The following ATM variants were observed in gnomAD, a reference collection of about 807,000 sequenced individuals.
ATM encodes ATM serine/threonine kinase, also known as serine-protein kinase ATM.
A neutral mutation model predicts 387.0 loss-of-function variants in ATM; 308 were observed. The observed-to-expected ratio is 0.80, with a 90% CI of 0.73 to 0.87. ATM has a LOEUF of 0.87. Among genes scored for constraint, ATM ranks in the 40% least tolerant of loss-of-function variants. ATM has a pLI of 0.00. For synonymous variants in ATM, 1,156 were observed against 1,187.3 expected, an observed-to-expected ratio of 0.97 and a Z score of 0.54; for missense variants, 3,312 against 3,560.9, an observed-to-expected ratio of 0.93 and a Z score of 1.78.
rs149726470 is a variant in ATM, at chr11:108,239,111, G to T, written c.496+3277G>T. Among the ~76,000 whole-genome samples the T allele has an allele frequency of 7.0e-3, 1,062 of 152,284 alleles. 17 individuals carry two copies. The highest frequency in any genetic ancestry group is 0.024 in the African/African-American group (984 of 41,558). On this transcript the variant is annotated intron_variant, in intron 5 of 62. Coordinates refer to ENST00000675843, the MANE Select transcript of ATM (RefSeq NM_000051.4). ...AAAGGGATGGTATTTGGAGGTGTGG[G>T]ATTTAGGAGGTAATTAGGTCCTGTG...
At chr11:108,258,584 C>A (rs2080653640) in intron 15 of ATM, among the ~76,000 whole-genome samples, 1 of 151,892 alleles carries the variant, frequency 6.6e-6, no homozygotes. Flanking sequence ...CAAGCCAGGC[C>A]CCAGAGTATT....
At chr11:108,308,701 G>A in intron 38 of ATM, 1 of 307,060 alleles carries the variant, frequency 3.3e-6, no homozygotes, top group Non-Finnish European at 6.2e-6. Context: ...AAGAATGAGA[G>A]GGAGAGGTGA....
chr11:108,288,107 T>TCC (rs2082593431), intron 27 of ATM, among the ~76,000 whole-genome samples: 2 of 152,056 alleles, frequency 1.3e-5, no homozygotes, highest in African/African-American at 4.8e-5. Flanking sequence ...TCTCACTCTG[T>TCC]TGCCCTGGCT....
intron 22 of ATM, among the ~76,000 whole-genome samples, chr11:108,274,294 C>G (rs373956233): frequency 6.6e-6 from 1 of 152,228 alleles, no homozygotes; most frequent in South Asian, 2.1e-4. Flanking sequence ...TTTTGTTAAT[C>G]TTTTCAAAAA....
In ATM at chr11:108,289,612, A is replaced by G. The variant is rs758180727; in HGVS notation, c.4247A>G (p.Gln1416Arg). Residue 1416 changes from glutamine to arginine, a missense_variant, in exon 29 of 63, where the codon CAG (glutamine) becomes CGG (arginine). Transcript: ENST00000675843. The stretch of plus-strand genomic sequence containing the variant: ...CTGTTTATTTTCTAGGATTCCTATC[A>G]GAAAATTCTTCTTGCCATATGTGAG... ...EILSKSPDSY[Q>R]KILLAICEQA... 14 of 1,604,866 alleles carry G rather than the reference A, an allele frequency of 8.7e-6. No homozygotes were observed. Among genetic ancestry groups the G allele is most frequent in the Non-Finnish European group, 1.1e-5 (13 of 1,175,936 alleles).
rs2135240501 is a variant in ATM, at chr11:108,244,900, C to T, written c.775C>T (p.Leu259Phe). 6.2e-7 allele frequency: 1 copy of T among 1,613,712 alleles called. No homozygotes were observed. Among genetic ancestry groups the T allele is most frequent in the East Asian group, 2.2e-5 (1 of 44,822 alleles). Residue 259 changes from leucine (L) to phenylalanine (F), a missense_variant, in exon 7 of 63, where the codon CTT becomes TTT. Transcript: ENST00000675843. ...IRVCELGDEILPTLLYIWTQH... is the reference protein window; with the variant it reads ...IRVCELGDEIFPTLLYIWTQH... ...AGTGTGTGAATTAGGAGATGAAATTCTTCCCACTTTGCTTTATATTTGGAC... is the reference window on the plus strand; with the variant it reads ...AGTGTGTGAATTAGGAGATGAAATTTTTCCCACTTTGCTTTATATTTGGAC...
intron 47 of ATM, among the ~76,000 whole-genome samples, chr11:108,326,751 A>G (rs2085719011): frequency 6.6e-6 from 1 of 152,236 alleles, no homozygotes; most frequent in Admixed American, 6.5e-5. Context: ...TGGTGTCCCC[A>G]AGGTTTGTCT....
intron 59 of ATM, among the ~76,000 whole-genome samples, chr11:108,350,071 C>A (rs2088999028): frequency 6.6e-6 from 1 of 152,074 alleles, no homozygotes; most frequent in Admixed American, 6.6e-5. Context: ...AAATAAAATT[C>A]TAAAATTTAC....
intron 22 of ATM, among the ~76,000 whole-genome samples, chr11:108,275,351 G>T (rs2081882626): frequency 6.6e-6 from 1 of 152,072 alleles, no homozygotes; most frequent in African/African-American, 2.4e-5. Context: ...GGACATTTTA[G>T]CCCATTTACA....
chr11:108,275,652 T>C (rs527596551), intron 22 of ATM, among the ~76,000 whole-genome samples: 2 of 152,356 alleles, frequency 1.3e-5, no homozygotes, highest in African/African-American at 4.8e-5. Context: ...AAATTCTGGG[T>C]TGAAAATTAT....
Position 108,326,211 on chromosome 11 carries a change from G to A in ATM, c.6961G>A (p.Ala2321Thr). The A allele has an allele frequency of 6.2e-7, 1 of 1,614,114 alleles. No homozygotes were observed. Among genetic ancestry groups the A allele is most frequent in the Non-Finnish European group, 8.5e-7 (1 of 1,180,014 alleles). ...ILKQMIKKLD[A>T]SCAANNPSLK... is the part of the protein sequence containing the mutation. Reference sequence around the variant, plus strand: ...CAAGCAAATGATCAAGAAGTTGGATGCCAGCTGTGCAGCGGTTTGTTTTTT... The same window carrying A: ...CAAGCAAATGATCAAGAAGTTGGATACCAGCTGTGCAGCGGTTTGTTTTTT... The change falls in exon 47 of 63, where the codon GCC becomes ACC. Residue 2321 changes from alanine to threonine, a missense_variant. Physicochemically the swap from Ala to Thr is moderately conservative, Grantham distance 58. Coordinates refer to ENST00000675843, the MANE Select transcript of ATM (RefSeq NM_000051.4).
intron 11 of ATM, 139 bp downstream of exon 11, chr11:108,252,170 T>C (rs758147148): frequency 2.2e-4 from 170 of 788,570 alleles, no homozygotes; most frequent in Middle Eastern, 1.5e-3. Context: ...TTAAATATTA[T>C]GTTTGTTTTT....
At chr11:108,294,492 T>C (rs621947) in intron 31 of ATM, among the ~76,000 whole-genome samples, 98,423 of 152,140 alleles carry the variant, frequency 0.65, 32,605 homozygotes, top group African/African-American at 0.78. Flanking sequence ...GTAATCCCAG[T>C]GCTTTGGAAG....
In ATM at chr11:108,289,063, C is replaced by G. The variant is rs786203761; in HGVS notation, c.4196C>G (p.Thr1399Ser). Residue 1399 changes from threonine (T) to serine (S), a missense_variant, in exon 28 of 63, where the codon ACC (threonine) becomes AGC (serine). By Grantham distance (58) the Thr-to-Ser change is moderately conservative. Around this residue, in one of 4 missense-constraint regions of ATM, gnomAD observed 1,791 missense variants for 1,804.5 expected, o/e 0.99. Coordinates refer to ENST00000675843, the MANE Select transcript of ATM (RefSeq NM_000051.4). ...TFAYISNCHK[T>S]KLKSILEILS... The stretch of plus-strand genomic sequence containing the variant: ...GCCTATATCAGCAATTGTCATAAAA[C>G]CAAGTTAAAAAGCATTTTAGAAATT... The G allele has an allele frequency of 6.2e-7, 1 of 1,612,250 alleles. No individual in the cohort carries two copies. The highest frequency in any genetic ancestry group is 8.5e-7 in the Non-Finnish European group (1 of 1,178,598).
rs2082573592 is a variant in ATM at position 108,287,808 on chromosome 11, A to G, written c.4109+93A>G. The G allele has an allele frequency of 2.7e-5, 24 of 883,186 alleles. 1 individual carries two copies. The South Asian group carries it at 3.6e-4, about 13-fold the overall frequency. The allele number at this position is 883,186 out of a possible 1,614,324, so 54.7% of individuals were successfully genotyped here. A position where few individuals can be genotyped will look rare whatever the true frequency, so the allele number is the denominator to read the frequency against. ...ACACCTTCAATGTCTATTTCAATTT[A>G]TAGACATCACTCTTTTTAAAAAATT... On this transcript the variant is annotated intron_variant, in intron 27 of 62. Transcript: ENST00000675843.
At chr11:108,319,170 C>T (rs2085005894) in intron 43 of ATM, among the ~76,000 whole-genome samples, 1 of 152,146 alleles carries the variant, frequency 6.6e-6, no homozygotes, top group Non-Finnish European at 1.5e-5. Flanking sequence ...GAGTGAGACT[C>T]TGTCTCAAAA....
intron 29 of ATM, among the ~76,000 whole-genome samples, chr11:108,292,344 G>A (rs952471094): frequency 2.6e-5 from 4 of 152,272 alleles, no homozygotes; most frequent in African/African-American, 9.6e-5. Context: ...CCTGATTACT[G>A]TAAACCTTTG....
chr11:108,363,309 C>T (rs1245496379), intron 61 of ATM, among the ~76,000 whole-genome samples: 2 of 152,194 alleles, frequency 1.3e-5, no homozygotes, highest in Non-Finnish European at 2.9e-5. Flanking sequence ...TAAGCCCCTC[C>T]TTCAGAGCAC....
intron 39 of ATM, among the ~76,000 whole-genome samples, chr11:108,311,555 G>A (rs2084162092): frequency 6.6e-6 from 1 of 152,036 alleles, no homozygotes; most frequent in Non-Finnish European, 1.5e-5. Flanking sequence ...TAAATCAGCT[G>A]GGCATAGTGG....
Sources: allele counts gnomAD v4.1 joint callset (sites outside exome capture counted in the v4.1 genomes callset), GRCh38; gene constraint gnomAD v4.1.1; regional missense constraint gnomAD v4.1.1; transcripts MANE v1.5; gene names NCBI Gene and HGNC (gene_info 2026-07-23, HGNC 2026-07-21).